POU6F2: variants seen among roughly 807,000 people sequenced by gnomAD.
The protein encoded by POU6F2 is POU domain, class 6, transcription factor 2.
Under a neutral mutation model 71.3 loss-of-function variants are expected in POU6F2, and 31 were observed. The observed-to-expected ratio is 0.43, with a 90% CI of 0.33 to 0.59. The LOEUF (loss-of-function observed/expected upper bound fraction) is 0.59. Ranked by LOEUF, POU6F2 falls within the 20% of genes least tolerant of loss-of-function variation. POU6F2 has a pLI of 0.04. For synonymous variants in POU6F2, 347 were observed against 355.7 expected, an observed-to-expected ratio of 0.98 and a Z score of 0.27; for missense variants, 783 against 856.8, an observed-to-expected ratio of 0.91 and a Z score of 1.07.
chr7:39,099,418 C>T (rs1791524050), intron 2 of POU6F2, among the ~76,000 whole-genome samples: 1 of 152,236 alleles, frequency 6.6e-6, no homozygotes, highest in African/African-American at 2.4e-5. Context: ...AGGCCAAGCA[C>T]TTCTATCTCT....
intron 4 of POU6F2, among the ~76,000 whole-genome samples, chr7:39,264,344 G>T (rs540596232): frequency 2.2e-4 from 34 of 152,328 alleles, no homozygotes; most frequent in African/African-American, 7.0e-4. Flanking sequence ...AATGCACTTG[G>T]ACGCCCAGCC....
chr7:39,233,021 C>G (rs1413276115), intron 4 of POU6F2, among the ~76,000 whole-genome samples: 1 of 152,128 alleles, frequency 6.6e-6, no homozygotes, highest in Admixed American at 6.5e-5. Flanking sequence ...CACATTGTAG[C>G]ATATTATATA....
chr7:39,253,755 A>G (rs1156935129), intron 4 of POU6F2, among the ~76,000 whole-genome samples: 1 of 152,194 alleles, frequency 6.6e-6, no homozygotes. Context: ...AAATTGGGGC[A>G]CTGCAAAGAA....
At chr7:39,030,869 T>A (rs1226154141) in intron 1 of POU6F2, among the ~76,000 whole-genome samples, 1 of 151,526 alleles carries the variant, frequency 6.6e-6, no homozygotes, top group East Asian at 2.0e-4. Context: ...CAAAAAAAAA[T>A]TGAACTAAAC....
At chr7:39,016,057 T>TATATATAATATATAGAATATATC (rs1789532222) in intron 1 of POU6F2, among the ~76,000 whole-genome samples, 1 of 37,916 alleles carries the variant, frequency 2.6e-5, no homozygotes, top group South Asian at 6.7e-4. Context: ...TTATATATAT[T>TATATATAATATATAGAATATATC]ATATATAATA....
At chr7:39,305,767 A>G (rs182907450) in intron 4 of POU6F2, among the ~76,000 whole-genome samples, 2 of 152,344 alleles carry the variant, frequency 1.3e-5, no homozygotes, top group Admixed American at 1.3e-4. Context: ...AAGATGGTAA[A>G]CAGGCCTTTG....
At chr7:39,358,761 T>C (rs551012911) in intron 5 of POU6F2, among the ~76,000 whole-genome samples, 2 of 152,186 alleles carry the variant, frequency 1.3e-5, no homozygotes, top group African/African-American at 4.8e-5. Context: ...AGTGATTCTC[T>C]TGAAGAGTAG....
At chr7:39,457,886 T>C (rs765266340) in intron 8 of POU6F2, among the ~76,000 whole-genome samples, 1 of 152,158 alleles carries the variant, frequency 6.6e-6, no homozygotes, top group Non-Finnish European at 1.5e-5. Context: ...CCTCTCTCAC[T>C]GTACCATTCT....
rs1787439263 is a variant in POU6F2, at chr7:39,406,666, TCACAGGCCTTTGGCAATG to T, written c.1041_1058del (p.Gln348_Ala353del). ...AGCAGCCATGAGCTCCATAGCAAGCTCACAGGCCTTTGGCAATGCCCTCTCCAGTCTTCAGGGGGTCAC... is the reference window on the plus strand; with the variant it reads ...AGCAGCCATGAGCTCCATAGCAAGCTCCCTCTCCAGTCTTCAGGGGGTCAC... On this transcript the variant is annotated inframe_deletion, in exon 6 of 10. Transcript: ENST00000518318. 6.2e-7 allele frequency: 1 copy of T among 1,613,688 alleles called. No homozygotes were observed. Among genetic ancestry groups the T allele is most frequent in the East Asian group, 2.2e-5 (1 of 44,870 alleles).
chr7:39,265,857 TG>T (rs1784229099), intron 4 of POU6F2, among the ~76,000 whole-genome samples: 1 of 152,234 alleles, frequency 6.6e-6, no homozygotes, highest in Non-Finnish European at 1.5e-5. Flanking sequence ...CGACTCACTA[TG>T]AGTCTGAGTT....
intron 4 of POU6F2, among the ~76,000 whole-genome samples, chr7:39,318,914 A>G (rs12701727): frequency 0.36 from 55,155 of 152,094 alleles, 10,276 homozygotes; most frequent in African/African-American, 0.43. Flanking sequence ...GGGCTAAGGC[A>G]GGAGGATGGC....
chr7:39,089,167 A>G (rs745851911), intron 2 of POU6F2, among the ~76,000 whole-genome samples: 27 of 152,356 alleles, frequency 1.8e-4, no homozygotes, highest in South Asian at 1.2e-3. Flanking sequence ...TTGAACAGCC[A>G]TGGAAACTAA....
intron 2 of POU6F2, among the ~76,000 whole-genome samples, chr7:39,100,860 C>T (rs1292833520): frequency 1.3e-5 from 2 of 152,048 alleles, no homozygotes; most frequent in Admixed American, 6.6e-5. Context: ...GCAGTGTCAG[C>T]GTGGAAAGAA....
intron 1 of POU6F2, among the ~76,000 whole-genome samples, chr7:39,077,710 A>G (rs1791028503): frequency 6.6e-6 from 1 of 152,334 alleles, no homozygotes; most frequent in South Asian, 2.1e-4. Context: ...ATGAAATAGC[A>G]TCCTGTTACA....
At chr7:39,035,372 C>A (rs1790034595) in intron 1 of POU6F2, among the ~76,000 whole-genome samples, 1 of 151,908 alleles carries the variant, frequency 6.6e-6, no homozygotes, top group Admixed American at 6.6e-5. Context: ...TGCTGTATGT[C>A]ATTTAGGGAA....
chr7:39,071,735 CTT>C (rs1224227543), intron 1 of POU6F2, among the ~76,000 whole-genome samples: 2 of 151,624 alleles, frequency 1.3e-5, no homozygotes. Flanking sequence ...TTCTAACAGT[CTT>C]TGTGCAACAA....
chr7:39,001,921 A>ATGATGTGGTGGTGATAGTCATGGTGATG (rs1788926086), intron 1 of POU6F2: 1 of 151,884 alleles, frequency 6.6e-6, no homozygotes, highest in Admixed American at 6.6e-5. Flanking sequence ...GGTGATAGTG[A>ATGATGTGGTGGTGATAGTCATGGTGATG]TGATGTGGTG....
At position 39,433,274 on chromosome 7, in the gene POU6F2, C is replaced by T. The variant is rs1210208458; in HGVS notation, c.1311C>T (p.Pro437=). The stretch of plus-strand genomic sequence containing the variant: ...GCATCACGCTGTCACCCATCAAGCC[C>T]GGCCAGCAGGTAAATGTTCCAGGCC... ...TQGITLSPIK[P]GQQLHQPSQT... Residue 437 remains proline (P), a synonymous_variant, in exon 7 of 10, where the codon CCC becomes CCT. Transcript: ENST00000518318. The T allele has an allele frequency of 1.2e-5, 20 of 1,613,816 alleles. No individual in the cohort carries two copies. The highest frequency in any genetic ancestry group is 1.4e-5 in the Non-Finnish European group (17 of 1,179,874).
In POU6F2 at chr7:39,082,342, C is replaced by T. The variant is rs149088210; in HGVS notation, c.106-3518C>T. ...TGGTGGACTAGTCACTTTCTTCTGT[C>T]GGGATTGATAAATGAATTGCAAAGA... is the stretch of plus-strand genomic sequence containing the variant. On this transcript the variant is annotated intron_variant, in intron 1 of 9. Transcript: ENST00000518318. 4.2e-3 allele frequency among the ~76,000 whole-genome samples: 632 copies of T among 152,222 alleles called. 5 individuals are homozygous for T. The highest frequency in any genetic ancestry group is 0.014 in the African/African-American group (580 of 41,532).
Sources: allele counts gnomAD v4.1 joint callset (sites outside exome capture counted in the v4.1 genomes callset), GRCh38; gene constraint gnomAD v4.1.1; transcripts MANE v1.5; gene names NCBI Gene and HGNC (gene_info 2026-07-23, HGNC 2026-07-21).